KIF16B: variants seen among roughly 807,000 people sequenced by gnomAD.
KIF16B encodes kinesin family member 16B.
In KIF16B, 98 loss-of-function variants were observed where a neutral mutation model predicts 156.3. The ratio of observed to expected loss-of-function variants is 0.63; its 90% CI spans 0.53 to 0.74. KIF16B has a LOEUF of 0.74. KIF16B is among the 30% of genes least tolerant of loss of function. The pLI, the probability that KIF16B is intolerant of heterozygous loss-of-function variation, is 0.00. For missense variants in KIF16B, 1,421 were observed against 1,606.5 expected, an observed-to-expected ratio of 0.88 and a Z score of 1.97; for synonymous variants, 564 against 583.7, an observed-to-expected ratio of 0.97 and a Z score of 0.49.
At chr20:16,481,193 A>G (rs1158068171) in intron 12 of KIF16B, among the ~76,000 whole-genome samples, 1 of 152,098 alleles carries the variant, frequency 6.6e-6, no homozygotes, top group Non-Finnish European at 1.5e-5. Context: ...AGTGGAAACC[A>G]CTTCTGTATG....
intron 25 of KIF16B, among the ~76,000 whole-genome samples, chr20:16,288,886 C>T (rs6111016): frequency 1.1e-3 from 146 of 130,864 alleles, no homozygotes; most frequent in African/African-American, 1.2e-3. Context: ...AAACACAGTA[C>T]GTACTGGCGA....
intron 22 of KIF16B, chr20:16,369,260 G>A (rs2064758149): frequency 1.0e-6 from 1 of 985,712 alleles, no homozygotes; most frequent in African/African-American, 1.7e-5. Context: ...GGGCAAAACT[G>A]CCTTTTCTGT....
At chr20:16,280,396 G>A (rs1404857890) in intron 25 of KIF16B, among the ~76,000 whole-genome samples, 1 of 152,198 alleles carries the variant, frequency 6.6e-6, no homozygotes, top group African/African-American at 2.4e-5. Context: ...TCCAAGTTCA[G>A]CTAACAGTCT....
At chr20:16,313,464 A>G (rs984045640) in intron 24 of KIF16B, among the ~76,000 whole-genome samples, 1 of 152,228 alleles carries the variant, frequency 6.6e-6, no homozygotes, top group Non-Finnish European at 1.5e-5. Flanking sequence ...AAAAGTGCAC[A>G]TATCACAAGG....
chr20:16,513,203 T>C (rs2069016356), intron 4 of KIF16B, among the ~76,000 whole-genome samples: 1 of 151,946 alleles, frequency 6.6e-6, no homozygotes, highest in South Asian at 2.1e-4. Context: ...TTTCTAACAT[T>C]TAAATAAGAC....
intron 12 of KIF16B, among the ~76,000 whole-genome samples, chr20:16,432,413 C>T (rs8121801): frequency 0.13 from 19,737 of 152,148 alleles, 1,390 homozygotes; most frequent in Non-Finnish European, 0.17. Flanking sequence ...CCAAGACACA[C>T]CTCTGTAACT....
In KIF16B at chr20:16,379,122, C is replaced by G; in HGVS notation, c.2880G>C (p.Gln960His). The change falls in exon 19 of 26, where the codon CAG (glutamine) becomes CAC (histidine). Residue 960 changes from glutamine to histidine, a missense_variant. Physicochemically the swap from Gln to His is conservative, Grantham distance 24. Coordinates refer to ENST00000354981, the MANE Select transcript of KIF16B (RefSeq NM_024704.5). ...EEKEEQLAQY[Q>H]ANANQLQKLQ... is the part of the protein sequence containing the mutation. Reference sequence around the variant, plus strand: ...GCTTTTGCAGCTGGTTTGCATTGGCCTGGTACTGTGCAAGCTGTTCTTCTT... The same window carrying G: ...GCTTTTGCAGCTGGTTTGCATTGGCGTGGTACTGTGCAAGCTGTTCTTCTT... 6.2e-7 allele frequency: 1 copy of G among 1,614,174 alleles called. No individual in the cohort carries two copies. Among genetic ancestry groups the G allele is most frequent in the Non-Finnish European group, 8.5e-7 (1 of 1,180,034 alleles).
intron 12 of KIF16B, among the ~76,000 whole-genome samples, chr20:16,440,580 CACACAG>C (rs1365516148): frequency 1.6e-5 from 2 of 125,038 alleles, no homozygotes; most frequent in East Asian, 4.9e-4. Context: ...CACACACACA[CACACAG>C]GTACACATTT....
intron 22 of KIF16B, among the ~76,000 whole-genome samples, chr20:16,369,650 A>G (rs778690704): frequency 2.0e-5 from 3 of 152,230 alleles, no homozygotes; most frequent in Admixed American, 6.5e-5. Context: ...CCAAAATGCA[A>G]TCAAGGCAAA....
At chr20:16,406,883 A>G (rs1488304763) in intron 15 of KIF16B, among the ~76,000 whole-genome samples, 1 of 152,316 alleles carries the variant, frequency 6.6e-6, no homozygotes, top group East Asian at 1.9e-4. Context: ...TCAAAAGAAA[A>G]GTGCTTTCAA....
chr20:16,523,328 C>G (rs945551147), intron 3 of KIF16B, among the ~76,000 whole-genome samples: 4 of 152,226 alleles, frequency 2.6e-5, no homozygotes, highest in African/African-American at 9.6e-5. Context: ...TAAGCAACTT[C>G]AGCAAAGTCT....
At chr20:16,382,946 A>G (rs554724683) in intron 17 of KIF16B, among the ~76,000 whole-genome samples, 1 of 152,152 alleles carries the variant, frequency 6.6e-6, no homozygotes, top group Non-Finnish European at 1.5e-5. Context: ...TCTCTTTCCA[A>G]TTTAATAATG....
At chr20:16,275,506 T>C (rs1312030987) in intron 25 of KIF16B, among the ~76,000 whole-genome samples, 3 of 152,200 alleles carry the variant, frequency 2.0e-5, no homozygotes, top group African/African-American at 7.2e-5. Context: ...TGGAATCACA[T>C]CTTCTTCTGG....
chr20:16,457,462 C>G (rs1326359730), intron 12 of KIF16B, among the ~76,000 whole-genome samples: 1 of 152,196 alleles, frequency 6.6e-6, no homozygotes, highest in East Asian at 1.9e-4. Context: ...TTGATGTCAA[C>G]TCAGCCTTTC....
chr20:16,291,888 A>T (rs1346285386), intron 25 of KIF16B, among the ~76,000 whole-genome samples: 1 of 152,258 alleles, frequency 6.6e-6, no homozygotes, highest in Non-Finnish European at 1.5e-5. Flanking sequence ...TATTAAGGGC[A>T]GAAGCAGACT....
intron 3 of KIF16B, among the ~76,000 whole-genome samples, chr20:16,516,676 C>T (rs1045621608): frequency 6.6e-6 from 1 of 152,156 alleles, no homozygotes; most frequent in African/African-American, 2.4e-5. Flanking sequence ...ACCACATCAG[C>T]CAACTCATGG....
At chr20:16,401,072 C>T (rs1306912787) in intron 17 of KIF16B, among the ~76,000 whole-genome samples, 1 of 133,156 alleles carries the variant, frequency 7.5e-6, no homozygotes, top group African/African-American at 3.1e-5. Flanking sequence ...GTTGCAGGGG[C>T]CTGGGAACCA....
At position 16,377,845 on chromosome 20, in the gene KIF16B, G is replaced by C. The variant is rs1056312482; in HGVS notation, c.3197+960C>G. Among the ~76,000 whole-genome samples the C allele has an allele frequency of 3.9e-5, 6 of 152,132 alleles. No individual in the cohort carries two copies. In the East Asian group the frequency reaches 9.6e-4, roughly 24 times the overall value. On this transcript the variant is annotated intron_variant, in intron 19 of 25. Coordinates refer to ENST00000354981, the MANE Select transcript of KIF16B (RefSeq NM_024704.5). ...ATGCATTTTGAGAACTTATGGTCTG[G>C]TAAGTATGGTGACAGAAAATAGGTG... is the stretch of plus-strand genomic sequence containing the variant.
At chr20:16,476,291 C>A (rs1286626296) in intron 12 of KIF16B, among the ~76,000 whole-genome samples, 2 of 152,134 alleles carry the variant, frequency 1.3e-5, no homozygotes, top group Non-Finnish European at 2.9e-5. Context: ...ATTGGGATTG[C>A]CAATTGTCAA....
Sources: gnomAD v4.1 joint callset for allele counts (sites outside exome capture counted in the v4.1 genomes callset) on GRCh38, gnomAD v4.1.1 for gene constraint, MANE v1.5 for transcripts, NCBI Gene and HGNC (gene_info 2026-07-23, HGNC 2026-07-21) for gene names.